The following KRAS variants were observed in gnomAD, a reference collection of about 807,000 sequenced individuals.
KRAS encodes KRas proto-oncogene, GTPase, also known as GTPase KRas.
A neutral mutation model predicts 21.0 loss-of-function variants in KRAS; 1 was observed. The ratio of observed to expected loss-of-function variants is 0.05; its 90% confidence interval spans 0.02 to 0.23. KRAS has a LOEUF of 0.23. KRAS is among the 10% of genes least tolerant of loss of function. The pLI is 1.00. For missense variants in KRAS, 107 were observed against 221.8 expected (o/e 0.48, Z 3.29); for synonymous variants, 67 against 72.5 (o/e 0.92, Z 0.39).
intron 2 of KRAS, among the ~76,000 whole-genome samples, chr12:25,242,362 G>C (rs1951621682): frequency 3.3e-5 from 5 of 151,804 alleles, no homozygotes; most frequent in Admixed American, 2.0e-4. Flanking sequence ...TTTAAAACGA[G>C]ACTTTTCCTC....
chr12:25,235,770 G>T (rs373237641), intron 2 of KRAS, among the ~76,000 whole-genome samples: 3 of 152,218 alleles, frequency 2.0e-5, no homozygotes, highest in East Asian at 3.9e-4. Context: ...CTTTAGCTTA[G>T]AACAGCGGTC....
At chr12:25,234,747 G>C (rs1032012441) in intron 2 of KRAS, 6 of 191,574 alleles carry the variant, frequency 3.1e-5, no homozygotes, top group Non-Finnish European at 5.4e-5. Flanking sequence ...CATCAAGTTT[G>C]TCATTTTTCC....
In KRAS at chr12:25,228,314, T is replaced by C. The variant is rs188925534; in HGVS notation, c.112-902A>G. 8.0e-5 allele frequency among the ~76,000 whole-genome samples: 12 copies of C among 150,382 alleles called. No homozygotes were observed. The East Asian group carries it at 2.4e-3, about 30-fold the overall frequency. Reference sequence around the variant, plus strand: ...TACAAGCATGAGCCACTGAGCTCCATCTGATTTTGGATTTTTGGACGAGGG... The same window carrying C: ...TACAAGCATGAGCCACTGAGCTCCACCTGATTTTGGATTTTTGGACGAGGG... On this transcript the variant is annotated intron_variant, in intron 2 of 4. Coordinates refer to ENST00000311936, the MANE Select transcript of KRAS (RefSeq NM_004985.5).
chr12:25,239,544 A>G (rs1951585216), intron 2 of KRAS, among the ~76,000 whole-genome samples: 1 of 152,244 alleles, frequency 6.6e-6, no homozygotes, highest in South Asian at 2.1e-4. Context: ...TGACATTATC[A>G]TTTTTATTTC....
rs1431524888 is a variant in KRAS at position 25,207,532 on chromosome 12, C to T, written c.*2263G>A. ...TCTGACACCAAAAAAAAAAAGTAAG[C>T]TTCATGAATTAAAGTATTTTTCATT... is the stretch of plus-strand genomic sequence containing the variant. On this transcript the variant is annotated 3_prime_UTR_variant, in exon 5 of 5. Transcript: ENST00000311936. 4.7e-6 allele frequency: 1 copy of T among 214,780 alleles called. No individual in the cohort carries two copies. Among genetic ancestry groups the T allele is most frequent in the Non-Finnish European group, 9.4e-6 (1 of 106,902 alleles). 13.3% of individuals were successfully genotyped at this position (214,780 alleles called of 1,614,324 possible).
chr12:25,234,579 C>T (rs1951520299), intron 2 of KRAS: 1 of 186,732 alleles, frequency 5.4e-6, no homozygotes, highest in South Asian at 2.0e-4. Context: ...GCATATTTAT[C>T]GCCAACGTGT....
intron 2 of KRAS, among the ~76,000 whole-genome samples, chr12:25,241,658 A>G (rs1370314658): frequency 6.6e-6 from 1 of 152,164 alleles, no homozygotes; most frequent in African/African-American, 2.4e-5. Context: ...GGGTCAGATA[A>G]CCCTGTTGTG....
At chr12:25,223,573 G>A (rs540970839) in intron 4 of KRAS, among the ~76,000 whole-genome samples, 1 of 152,248 alleles carries the variant, frequency 6.6e-6, no homozygotes, top group Non-Finnish European at 1.5e-5. Flanking sequence ...GGTCAAACTA[G>A]AGAAATTCAG....
chr12:25,226,085 A>G (rs913640915), intron 3 of KRAS, among the ~76,000 whole-genome samples: 7 of 152,230 alleles, frequency 4.6e-5, no homozygotes, highest in African/African-American at 1.7e-4. Flanking sequence ...AAAGTGCTAT[A>G]TAACAGACTA....
Position 25,206,748 on chromosome 12 carries a change from T to C in KRAS, c.*3047A>G, listed in dbSNP as rs1433401486. 1.0e-5 allele frequency: 2 copies of C among 196,734 alleles called. No individual in the cohort carries two copies. Among genetic ancestry groups the C allele is most frequent in the East Asian group, 1.6e-4 (2 of 12,492 alleles). The allele number at this position is 196,734 out of a possible 1,614,324, so 12.2% of individuals were successfully genotyped here. On this transcript the variant is annotated 3_prime_UTR_variant, in exon 5 of 5. Transcript: ENST00000311936. ...TAGTGATTTTTACATAGAAGTTTCC[T>C]TGTCTGTGAACTAGTTCAGGCACCT...
chr12:25,237,204 G>A (rs1005329747), intron 2 of KRAS, among the ~76,000 whole-genome samples: 6 of 152,184 alleles, frequency 3.9e-5, no homozygotes, highest in African/African-American at 1.4e-4. Flanking sequence ...AATCCACAGA[G>A]ATGGAAAAAT....
At chr12:25,224,334 T>C (rs981998466) in intron 4 of KRAS, among the ~76,000 whole-genome samples, 3 of 151,830 alleles carry the variant, frequency 2.0e-5, no homozygotes, top group African/African-American at 7.3e-5. Context: ...GGACAAGATG[T>C]GGAAGTGGAA....
intron 4 of KRAS, among the ~76,000 whole-genome samples, chr12:25,224,665 C>G (rs1282163993): frequency 5.3e-5 from 8 of 151,982 alleles, no homozygotes; most frequent in African/African-American, 2.4e-5. Context: ...TTTAGACACA[C>G]AAAACTTACC....
intron 4 of KRAS, among the ~76,000 whole-genome samples, chr12:25,222,077 A>G (rs576716904): frequency 5.9e-4 from 89 of 151,774 alleles, no homozygotes; most frequent in Non-Finnish European, 1.1e-3. Flanking sequence ...TGAACCCGGG[A>G]GGCGGAGCCT....
chr12:25,245,538 A>G (rs1951667350), intron 1 of KRAS, 143 bp from the exon 2 acceptor site: 2 of 887,482 alleles, frequency 2.3e-6, no homozygotes, highest in Non-Finnish European at 3.5e-6. Context: ...TACAAAATTC[A>G]ATCATGAAAA....
Position 25,205,484 on chromosome 12 carries a change from T to C in KRAS, c.*4311A>G, listed in dbSNP as rs61764374. 0.039 allele frequency: 8,345 copies of C among 215,318 alleles called. 190 individuals are homozygous for C. Among genetic ancestry groups the C allele is most frequent in the Middle Eastern group, 0.068 (47 of 688 alleles). The allele number at this position is 215,318 out of a possible 1,614,324, so 13.3% of individuals were successfully genotyped here. On this transcript the variant is annotated 3_prime_UTR_variant, in exon 5 of 5. Coordinates refer to ENST00000311936, the MANE Select transcript of KRAS (RefSeq NM_004985.5). The stretch of plus-strand genomic sequence containing the variant: ...ATATGTCCCACAAAAGAAAGCACAA[T>C]GTACAAAATGTGCATGTTTCAGTTT...
chr12:25,220,255 T>C (rs528916785), intron 4 of KRAS, among the ~76,000 whole-genome samples: 1 of 152,220 alleles, frequency 6.6e-6, no homozygotes, highest in East Asian at 1.9e-4. Context: ...TAACAGTCCT[T>C]ATACACTAGG....
chr12:25,242,283 G>A (rs1951619724), intron 2 of KRAS, among the ~76,000 whole-genome samples: 1 of 152,100 alleles, frequency 6.6e-6, no homozygotes, highest in Non-Finnish European at 1.5e-5. Context: ...ATTATATACA[G>A]TAGATACTTA....
chr12:25,220,555 C>T (rs1480661737), intron 4 of KRAS, among the ~76,000 whole-genome samples: 2 of 151,882 alleles, frequency 1.3e-5, no homozygotes, highest in East Asian at 1.9e-4. Context: ...GGTGAAACCC[C>T]GTCTCTACTA....
Sources: gnomAD v4.1 joint callset for allele counts (sites outside exome capture counted in the v4.1 genomes callset) on GRCh38, gnomAD v4.1.1 for gene constraint, MANE v1.5 for transcripts, NCBI Gene and HGNC (gene_info 2026-07-23, HGNC 2026-07-21) for gene names.